PNPLA7: variants seen among roughly 807,000 people sequenced by gnomAD.
PNPLA7 encodes the protein patatin like domain 7, lysophospholipase.
PNPLA7 carries 153 observed loss-of-function variants against 161.7 expected under a neutral mutation model. The observed-to-expected ratio is 0.95, with a 90% confidence interval of 0.83 to 1.08. The LOEUF (loss-of-function observed/expected upper bound fraction) is 1.08. Ranked by LOEUF, PNPLA7 falls within the 50% of genes least tolerant of loss-of-function variation. The pLI is 0.00. For missense variants in PNPLA7, 1,739 were observed against 1,856.6 expected (o/e 0.94, Z 1.16); for synonymous variants, 809 against 782.1 (o/e 1.03, Z -0.57).
In PNPLA7 at chr9:137,467,002, T is replaced by G. The variant is rs112362195; in HGVS notation, c.3039+315A>C. 7.8e-4 allele frequency among the ~76,000 whole-genome samples: 70 copies of G among 90,230 alleles called. No homozygotes were observed. The highest frequency in any genetic ancestry group is 7.8e-3 in the Middle Eastern group (1 of 128). 59.2% of individuals were successfully genotyped at this position (90,230 alleles called of 152,430 possible). Reference sequence around the variant, plus strand: ...CACCGTCTCCACCATCTCAGACCCGTGCACAGATCAGACCGCCTCCCACCA... The same window carrying G: ...CACCGTCTCCACCATCTCAGACCCGGGCACAGATCAGACCGCCTCCCACCA... On this transcript the variant is annotated intron_variant, in intron 26 of 34. Transcript: ENST00000406427. The surrounding 1 kb of genome is among the most constrained non-coding windows in gnomAD (Gnocchi z 5.1).
At chr9:137,501,493 G>A (rs1348229486) in intron 15 of PNPLA7, among the ~76,000 whole-genome samples, 157 bp downstream of exon 15, 2 of 152,248 alleles carry the variant, frequency 1.3e-5, no homozygotes, top group African/African-American at 4.8e-5. Flanking sequence ...GGCTGCCTGA[G>A]GGGAGGGGCT....
rs1452365568 is a variant in PNPLA7, at chr9:137,478,707, C to G, written c.2763+349G>C. 2.1e-5 allele frequency: 5 copies of G among 234,640 alleles called. No individual in the cohort carries two copies. The East Asian group carries it at 5.1e-4, about 24-fold the overall frequency. 14.5% of individuals were successfully genotyped at this position (234,640 alleles called of 1,614,324 possible). A position where few individuals can be genotyped will look rare whatever the true frequency, so the allele number is the denominator to read the frequency against. ...GCCTCAGCCTCAGCCCTGAGCAGCC[C>G]TGACATGAGGCCCATCCCCCAGGGT... On this transcript the variant is annotated intron_variant, in intron 24 of 34. Transcript: ENST00000406427.
chr9:137,517,814 C>T (rs1438262144), intron 11 of PNPLA7, among the ~76,000 whole-genome samples: 2 of 26,682 alleles, frequency 7.5e-5, no homozygotes, highest in Non-Finnish European at 1.4e-4. Context: ...CTCCATCCCC[C>T]GTCACTCACT....
intron 4 of PNPLA7, among the ~76,000 whole-genome samples, chr9:137,545,388 G>A (rs1271370935): frequency 6.6e-6 from 1 of 152,190 alleles, no homozygotes; most frequent in Non-Finnish European, 1.5e-5. Context: ...AAGCTTGGCA[G>A]CAGAGTCAGG....
chr9:137,543,690 TG>T lies in PNPLA7; in HGVS notation c.365+33del, dbSNP rs1836338727. On this transcript the variant is annotated intron_variant, in intron 5 of 34. Transcript: ENST00000406427. The surrounding 1 kb of genome is among the most constrained non-coding windows in gnomAD (Gnocchi z 6.9). ...GGAGGCCAGCACCATGGGGGGCACC[TG>T]GGGCAGGATGTGGTCTGAAGGACAC... 4 of 1,612,608 alleles carry T rather than the reference TG, an allele frequency of 2.5e-6. No homozygotes were observed. Among genetic ancestry groups the T allele is most frequent in the Non-Finnish European group, 1.7e-6 (2 of 1,178,762 alleles).
chr9:137,493,082 C>A lies in PNPLA7; in HGVS notation c.2128G>T (p.Val710Leu). 6.2e-7 allele frequency: 1 copy of A among 1,613,882 alleles called. No homozygotes were observed. Residue 710 changes from valine (V) to leucine (L), a missense_variant and splice_region_variant, in exon 20 of 35, where the codon GTG (valine) becomes TTG (leucine). Physicochemically the swap from Val to Leu is conservative, Grantham distance 32 (BLOSUM62 1). Coordinates refer to ENST00000406427, the MANE Select transcript of PNPLA7 (RefSeq NM_001098537.3). ...AAGAGATGAATCAGCCGAGTCACCA[C>A]CTGCGGGCAGACACAGGAGCCAAGA... is the stretch of plus-strand genomic sequence containing the variant. ...LTSIKRRYPQVVTRLIHLLGE... is the reference protein window; with the variant it reads ...LTSIKRRYPQLVTRLIHLLGE...
intron 34 of PNPLA7, 53 bp downstream of exon 34, chr9:137,460,581 A>G (rs1459023600): frequency 1.9e-5 from 31 of 1,594,560 alleles, no homozygotes; most frequent in Non-Finnish European, 2.6e-5. Context: ...GCACAGGGCC[A>G]GGCACCAAGG....
Position 137,486,274 on chromosome 9 carries a change from G to A in PNPLA7, c.2198-1538C>T, listed in dbSNP as rs888157096. Among the ~76,000 whole-genome samples the A allele has an allele frequency of 1.1e-4, 16 of 152,106 alleles. No homozygotes were observed. The highest frequency in any genetic ancestry group is 3.9e-4 in the African/African-American group (16 of 41,418). On this transcript the variant is annotated intron_variant, in intron 20 of 34. Coordinates refer to ENST00000406427, the MANE Select transcript of PNPLA7 (RefSeq NM_001098537.3). The surrounding 1 kb of genome is among the most constrained non-coding windows in gnomAD (Gnocchi z 6.0). ...GGCTTAAGGGCCACTCCCTGCAGAC[G>A]GCGGCCAGCGGACACCTGCAAGATC...
Position 137,464,520 on chromosome 9 carries a change from C to T in PNPLA7, c.3040-64G>A, listed in dbSNP as rs920610741. ...TCCCTGCGGGCTGCCACAGCAGACA[C>T]GTGGCGTGCTGAGGGCCTCTCATGA... On this transcript the variant is annotated intron_variant, in intron 26 of 34. Transcript: ENST00000406427. 3.6e-5 allele frequency: 52 copies of T among 1,438,680 alleles called. 1 individual carries two copies. In the African/African-American group the frequency reaches 4.2e-4, roughly 12 times the overall value. The allele number at this position is 1,438,680 out of a possible 1,614,324, so 89.1% of individuals were successfully genotyped here. A position where few individuals can be genotyped will look rare whatever the true frequency, so the allele number is the denominator to read the frequency against.
In PNPLA7 at chr9:137,500,177, G is replaced by A. The variant is rs569178236; in HGVS notation, c.1757+514C>T. Among the ~76,000 whole-genome samples the A allele has an allele frequency of 1.2e-4, 18 of 152,240 alleles. No individual in the cohort carries two copies. Among genetic ancestry groups the A allele is most frequent in the South Asian group, 2.1e-4 (1 of 4,838 alleles). ...AGCCCGGAGCCTGGAAGGCGACACG[G>A]GCACATTCTGCCCCAAGAAGGGACA... On this transcript the variant is annotated intron_variant, in intron 16 of 34. Coordinates refer to ENST00000406427, the MANE Select transcript of PNPLA7 (RefSeq NM_001098537.3). The surrounding 1 kb of genome is among the most constrained non-coding windows in gnomAD (Gnocchi z 5.5).
intron 25 of PNPLA7, among the ~76,000 whole-genome samples, chr9:137,469,331 C>T (rs1235274127): frequency 1.3e-5 from 2 of 152,130 alleles, no homozygotes; most frequent in African/African-American, 4.8e-5. Context: ...GGATCTGGCA[C>T]CAAACTCTAA....
At chr9:137,489,871 G>A (rs867904996) in intron 20 of PNPLA7, among the ~76,000 whole-genome samples, 10 of 152,318 alleles carry the variant, frequency 6.6e-5, no homozygotes, top group Middle Eastern at 3.4e-3. Context: ...GGACAATAAC[G>A]CGAGGTCTAA....
intron 32 of PNPLA7, 55 bp downstream of exon 32, chr9:137,461,876 C>A: frequency 6.9e-7 from 1 of 1,442,214 alleles, no homozygotes; most frequent in Middle Eastern, 2.4e-4. Context: ...GGGCGTGGCC[C>A]GAAGAACTGG....
intron 19 of PNPLA7, 143 bp from the exon 20 acceptor site, chr9:137,493,225 A>G (rs1247388852): frequency 2.4e-6 from 2 of 837,616 alleles, no homozygotes; most frequent in Non-Finnish European, 3.9e-6. Flanking sequence ...TGAGTTGCAC[A>G]TGACTCACAA....
At chr9:137,525,265 T>C (rs936321338) in intron 8 of PNPLA7, among the ~76,000 whole-genome samples, 3 of 152,196 alleles carry the variant, frequency 2.0e-5, no homozygotes, top group Non-Finnish European at 2.9e-5. Context: ...CTACTGTGCC[T>C]GTGTGTTTTT....
At chr9:137,544,917 A>C (rs558352227) in intron 4 of PNPLA7, among the ~76,000 whole-genome samples, 4 of 152,228 alleles carry the variant, frequency 2.6e-5, no homozygotes, top group African/African-American at 9.6e-5. Context: ...CAAAGTGCTG[A>C]GAGTACAGGC....
rs1831555188 is a variant in PNPLA7, at chr9:137,468,022, C to T, written c.2883-549G>A. ...AGTTGACCGGCATTGGCCTCTTCTA[C>T]CCGGAAACACGGCTGCCTCCAGCAG... On this transcript the variant is annotated intron_variant, in intron 25 of 34. Coordinates refer to ENST00000406427, the MANE Select transcript of PNPLA7 (RefSeq NM_001098537.3). This position sits in a 1 kb window ranked among gnomAD's most constrained non-coding sequence, Gnocchi z 4.0. Among the ~76,000 whole-genome samples, 1 of 152,128 alleles carries T rather than the reference C, an allele frequency of 6.6e-6. No individual in the cohort carries two copies. The highest frequency in any genetic ancestry group is 6.5e-5 in the Admixed American group (1 of 15,272).
intron 8 of PNPLA7, among the ~76,000 whole-genome samples, chr9:137,526,674 T>C (rs1043754053): frequency 6.6e-6 from 1 of 152,236 alleles, no homozygotes; most frequent in South Asian, 2.1e-4. Flanking sequence ...TGGTCACAAG[T>C]GTGAGTGGCC....
At chr9:137,494,976 G>A in intron 19 of PNPLA7, 57 bp downstream of exon 19, 2 of 1,464,368 alleles carry the variant, frequency 1.4e-6, no homozygotes, top group Non-Finnish European at 1.9e-6. Context: ...CCTGTTCCAT[G>A]CCCTCATCCA....
Sources: gnomAD v4.1 joint callset for allele counts (sites outside exome capture counted in the v4.1 genomes callset) on GRCh38, gnomAD v4.1.1 for gene constraint, Gnocchi (gnomAD v3.1) non-coding constraint, MANE v1.5 for transcripts, NCBI Gene and HGNC (gene_info 2026-07-23, HGNC 2026-07-21) for gene names.